Variants in CSMD1 observed in about 807,000 individuals in gnomAD.
CSMD1 encodes the protein CUB and Sushi multiple domains 1, also known as CUB and sushi domain-containing protein 1.
In CSMD1, 213 loss-of-function variants were observed where a neutral mutation model predicts 417.5. The observed-to-expected ratio is 0.51, with a 90% CI of 0.46 to 0.57. The LOEUF (loss-of-function observed/expected upper bound fraction) is 0.57, where lower values mean the gene tolerates loss of function less well. CSMD1 is among the 20% of genes least tolerant of loss of function. The pLI is 0.00. For missense variants in CSMD1, 6,923 were observed against 4,529.7 expected (o/e 1.53, Z -15.17); for synonymous variants, 2,862 against 1,736.8 (o/e 1.65, Z -16.11).
chr8:3,590,310 T>C (rs991207358), intron 8 of CSMD1, among the ~76,000 whole-genome samples: 3 of 152,174 alleles, frequency 2.0e-5, no homozygotes, highest in Non-Finnish European at 4.4e-5. Flanking sequence ...TATTACTTTA[T>C]AATTTAAAAG....
intron 12 of CSMD1, among the ~76,000 whole-genome samples, chr8:3,418,231 T>G (rs1162635161): frequency 6.6e-6 from 1 of 152,144 alleles, no homozygotes; most frequent in African/African-American, 2.4e-5. Flanking sequence ...GGCCCCAGTG[T>G]GAAATGCTGG....
At chr8:4,420,138 C>G (rs1219320383) in intron 2 of CSMD1, 73 bp from the exon 3 acceptor site, 1 of 1,019,066 alleles carries the variant, frequency 9.8e-7, no homozygotes. Context: ...TTGATGAAGT[C>G]ACTGAATAAC....
At chr8:3,663,819 A>G (rs914695385) in intron 7 of CSMD1, among the ~76,000 whole-genome samples, 3 of 152,102 alleles carry the variant, frequency 2.0e-5, no homozygotes, top group African/African-American at 7.2e-5. Context: ...AAGCCAAACT[A>G]TACTCTGACC....
At chr8:4,527,293 T>C (rs1352697777) in intron 2 of CSMD1, among the ~76,000 whole-genome samples, 1 of 152,206 alleles carries the variant, frequency 6.6e-6, no homozygotes, top group Non-Finnish European at 1.5e-5. Flanking sequence ...AGGAATGAGC[T>C]GTGTAGCTGG....
At chr8:4,607,885 CCTT>C (rs1800963913) in intron 2 of CSMD1, among the ~76,000 whole-genome samples, 1 of 152,190 alleles carries the variant, frequency 6.6e-6, no homozygotes, top group African/African-American at 2.4e-5. Context: ...TCCTTGAATT[CCTT>C]CTTACTGTGG....
At chr8:3,891,493 A>C (rs938685497) in intron 5 of CSMD1, among the ~76,000 whole-genome samples, 3 of 152,114 alleles carry the variant, frequency 2.0e-5, no homozygotes, top group African/African-American at 4.8e-5. Context: ...CACCCTGGAC[A>C]ACATAACAAG....
At chr8:3,621,301 T>C (rs1796232616) in intron 7 of CSMD1, among the ~76,000 whole-genome samples, 1 of 152,116 alleles carries the variant, frequency 6.6e-6, no homozygotes, top group African/African-American at 2.4e-5. Flanking sequence ...AGTAAGTTAA[T>C]AAGTAACAGA....
chr8:3,340,170 C>A lies in CSMD1; in HGVS notation c.3631+3124G>T, dbSNP rs7008166. On this transcript the variant is annotated intron_variant, in intron 23 of 69. Transcript: ENST00000635120. ...GCAATTCTGGTATTCAGTTAGAAGG[C>A]CTGGATTTGGGTTGCAATTACACCA... 2.6e-5 allele frequency among the ~76,000 whole-genome samples: 4 copies of A among 151,974 alleles called. No homozygotes were observed. In the East Asian group the frequency reaches 7.7e-4, roughly 29 times the overall value.
At chr8:3,774,601 T>G (rs1798799720) in intron 5 of CSMD1, among the ~76,000 whole-genome samples, 1 of 152,160 alleles carries the variant, frequency 6.6e-6, no homozygotes, top group Non-Finnish European at 1.5e-5. Context: ...TAATCTTCAG[T>G]TGGGAACCTG....
chr8:4,917,750 G>T (rs1404360571), intron 1 of CSMD1, among the ~76,000 whole-genome samples: 1 of 152,230 alleles, frequency 6.6e-6, no homozygotes, highest in Non-Finnish European at 1.5e-5. Context: ...AAACAAGGAT[G>T]CCAAGTTCAC....
chr8:3,754,702 G>A (rs1246655829), intron 5 of CSMD1, among the ~76,000 whole-genome samples: 1 of 152,202 alleles, frequency 6.6e-6, no homozygotes, highest in South Asian at 2.1e-4. Flanking sequence ...TGATCTGCCT[G>A]CCTTGGCCTT....
At chr8:4,507,294 G>C (rs1312878952) in intron 2 of CSMD1, among the ~76,000 whole-genome samples, 4 of 152,080 alleles carry the variant, frequency 2.6e-5, no homozygotes, top group Admixed American at 6.5e-5. Flanking sequence ...TTAAATTCTA[G>C]CTCAGCACTT....
At chr8:4,783,786 C>T (rs1037000882) in intron 1 of CSMD1, among the ~76,000 whole-genome samples, 1 of 152,152 alleles carries the variant, frequency 6.6e-6, no homozygotes, top group Non-Finnish European at 1.5e-5. Context: ...TCATTTGTAA[C>T]TGTGGAGGCT....
chr8:3,779,452 A>G (rs1799062100), intron 5 of CSMD1, among the ~76,000 whole-genome samples: 1 of 152,152 alleles, frequency 6.6e-6, no homozygotes, highest in Admixed American at 6.5e-5. Context: ...TGTCATTTTA[A>G]AATTTTAGAC....
At chr8:4,892,251 G>A (rs1323456290) in intron 1 of CSMD1, among the ~76,000 whole-genome samples, 3 of 152,006 alleles carry the variant, frequency 2.0e-5, no homozygotes, top group Non-Finnish European at 4.4e-5. Context: ...TTCTAAAATG[G>A]TAATACCACC....
chr8:3,045,235 T>A (rs1244574220), intron 50 of CSMD1, among the ~76,000 whole-genome samples: 1 of 152,234 alleles, frequency 6.6e-6, no homozygotes, highest in Admixed American at 6.5e-5. Context: ...TCATAGTTGG[T>A]ATCAAAAGAG....
intron 1 of CSMD1, among the ~76,000 whole-genome samples, chr8:4,976,761 G>A (rs1480013703): frequency 1.3e-5 from 2 of 152,086 alleles, no homozygotes; most frequent in Non-Finnish European, 2.9e-5. Context: ...CACTTTCATG[G>A]CAAATGTGAT....
intron 9 of CSMD1, among the ~76,000 whole-genome samples, chr8:3,585,364 T>G (rs1800556192): frequency 6.6e-6 from 1 of 152,212 alleles, no homozygotes; most frequent in South Asian, 2.1e-4. Flanking sequence ...GCTTTCCTTT[T>G]TAGTCAAACT....
chr8:3,227,686 C>A (rs991334200), intron 27 of CSMD1, among the ~76,000 whole-genome samples: 1 of 151,626 alleles, frequency 6.6e-6, no homozygotes. Context: ...CATAGTAACA[C>A]AAAATATACA....
Sources: gnomAD v4.1 joint callset for allele counts (sites outside exome capture counted in the v4.1 genomes callset) on GRCh38, gnomAD v4.1.1 for gene constraint, MANE v1.5 for transcripts, NCBI Gene and HGNC (gene_info 2026-07-23, HGNC 2026-07-21) for gene names.